The following CA10 variants were observed in gnomAD, a reference collection of about 807,000 sequenced individuals.
CA10 encodes the protein carbonic anhydrase-related protein 10.
In CA10, 14 loss-of-function variants were observed where a neutral mutation model predicts 44.2. The ratio of observed to expected loss-of-function variants is 0.32; its 90% CI spans 0.21 to 0.50. CA10 has a LOEUF of 0.50. Ranked by LOEUF, CA10 falls within the 20% of genes least tolerant of loss-of-function variation. The pLI, the probability that CA10 is intolerant of heterozygous loss-of-function variation, is 0.99. For missense variants in CA10, 350 were observed against 409.7 expected, an observed-to-expected ratio of 0.85 and a Z score of 1.26; for synonymous variants, 159 against 141.6, an observed-to-expected ratio of 1.12 and a Z score of -0.87.
chr17:52,116,274 C>T (rs149983917), intron 1 of CA10, among the ~76,000 whole-genome samples: 2 of 152,054 alleles, frequency 1.3e-5, no homozygotes, highest in African/African-American at 4.8e-5. Flanking sequence ...TTTTACTAGG[C>T]CAGGACCCCA....
At chr17:51,691,745 G>T (rs1232108765) in intron 4 of CA10, among the ~76,000 whole-genome samples, 1 of 152,162 alleles carries the variant, frequency 6.6e-6, no homozygotes, top group East Asian at 1.9e-4. Context: ...CTATTGTGGT[G>T]CATGGTGTGA....
intron 1 of CA10, among the ~76,000 whole-genome samples, chr17:52,084,260 G>C (rs569531997): frequency 2.6e-5 from 4 of 152,148 alleles, no homozygotes; most frequent in Non-Finnish European, 5.9e-5. Context: ...GCCATGGTGG[G>C]ACATAAAGCC....
At chr17:51,707,760 G>A (rs376645280) in intron 4 of CA10, among the ~76,000 whole-genome samples, 2 of 151,026 alleles carry the variant, frequency 1.3e-5, no homozygotes, top group East Asian at 3.9e-4. Flanking sequence ...AAGACCTCAT[G>A]ACCACATTTG....
intron 2 of CA10, among the ~76,000 whole-genome samples, chr17:51,992,792 T>C (rs929538877): frequency 2.0e-5 from 3 of 152,112 alleles, no homozygotes; most frequent in Non-Finnish European, 4.4e-5. Context: ...AACTAAAAGA[T>C]AATGGATAGA....
Position 52,158,401 on chromosome 17 carries a change from C to T in CA10, c.-615G>A, listed in dbSNP as rs754206544. On this transcript the variant is annotated 5_prime_UTR_variant, in exon 1 of 9. It adds an upstream start codon to the 5' untranslated region. Coordinates refer to ENST00000451037, the MANE Select transcript of CA10 (RefSeq NM_020178.5). ...CCGGGGGGCGGGGAAGGAGCAGACA[C>T]AGCAGACACACAGAGAAAGAGAGGC... 1 of 171,650 alleles carries T rather than the reference C, an allele frequency of 5.8e-6. No homozygotes were observed. The highest frequency in any genetic ancestry group is 1.2e-5 in the Non-Finnish European group (1 of 80,842). 10.6% of individuals were successfully genotyped at this position (171,650 alleles called of 1,614,324 possible). A position where few individuals can be genotyped will look rare whatever the true frequency, so the allele number is the denominator to read the frequency against.
rs187883824 is a variant in CA10 at position 51,911,577 on chromosome 17, T to C, written c.279+19413A>G. ...GAGTTGAGACTGCTGGTTGGAATGATACAAAAAGGACAATCGAGAAGTGCA... is the reference window on the plus strand; with the variant it reads ...GAGTTGAGACTGCTGGTTGGAATGACACAAAAAGGACAATCGAGAAGTGCA... On this transcript the variant is annotated intron_variant, in intron 3 of 8. Transcript: ENST00000451037. Among the ~76,000 whole-genome samples, 66 of 152,186 alleles carry C rather than the reference T, an allele frequency of 4.3e-4. 1 individual carries two copies. The East Asian group carries it at 0.01, about 24-fold the overall frequency.
At chr17:51,677,501 C>G (rs1335957040) in intron 4 of CA10, among the ~76,000 whole-genome samples, 1 of 152,102 alleles carries the variant, frequency 6.6e-6, no homozygotes, top group Non-Finnish European at 1.5e-5. Context: ...GCCTGCAGAA[C>G]CATGAACCAA....
intron 2 of CA10, among the ~76,000 whole-genome samples, chr17:52,010,272 T>A (rs1985742654): frequency 6.6e-6 from 1 of 151,732 alleles, no homozygotes; most frequent in Non-Finnish European, 1.5e-5. Flanking sequence ...AGGAAAAGAG[T>A]TATTATAGAA....
chr17:51,755,868 A>C (rs1905059949), intron 3 of CA10, among the ~76,000 whole-genome samples: 1 of 152,198 alleles, frequency 6.6e-6, no homozygotes. Flanking sequence ...CAGGGTCTCA[A>C]GGAGTAGCTT....
intron 7 of CA10, among the ~76,000 whole-genome samples, chr17:51,635,282 G>A (rs986087055): frequency 2.6e-5 from 4 of 152,120 alleles, no homozygotes; most frequent in African/African-American, 9.7e-5. Context: ...GGAGGTCGAG[G>A]CAAATGGATT....
intron 3 of CA10, among the ~76,000 whole-genome samples, chr17:51,832,586 C>T (rs1908322608): frequency 6.6e-6 from 1 of 152,180 alleles, no homozygotes; most frequent in Non-Finnish European, 1.5e-5. Flanking sequence ...TATACCTGGG[C>T]TCTTTGCATT....
chr17:51,993,729 C>T (rs1985126289), intron 2 of CA10, among the ~76,000 whole-genome samples: 1 of 152,044 alleles, frequency 6.6e-6, no homozygotes, highest in African/African-American at 2.4e-5. Flanking sequence ...TATACACCTC[C>T]TCTTCTCATG....
At chr17:51,862,333 G>C (rs1979348479) in intron 3 of CA10, among the ~76,000 whole-genome samples, 1 of 152,126 alleles carries the variant, frequency 6.6e-6, no homozygotes, top group Non-Finnish European at 1.5e-5. Flanking sequence ...TTCTTTAGCA[G>C]CCAGTAACAA....
chr17:51,867,812 C>T (rs999908094), intron 3 of CA10, among the ~76,000 whole-genome samples: 1 of 152,130 alleles, frequency 6.6e-6, no homozygotes, highest in Non-Finnish European at 1.5e-5. Flanking sequence ...AGTTCTGCCT[C>T]ATGAACTCAA....
intron 1 of CA10, among the ~76,000 whole-genome samples, chr17:52,110,058 A>G (rs538300516): frequency 6.6e-6 from 1 of 152,306 alleles, no homozygotes; most frequent in Admixed American, 6.5e-5. Context: ...CACAAAGCAT[A>G]AAATACCCCA....
chr17:52,033,287 A>G (rs1986521883), intron 2 of CA10, among the ~76,000 whole-genome samples: 1 of 152,196 alleles, frequency 6.6e-6, no homozygotes, highest in South Asian at 2.1e-4. Flanking sequence ...GAAAAAATAC[A>G]AAAGACTGAC....
intron 3 of CA10, among the ~76,000 whole-genome samples, chr17:51,805,769 C>T (rs1238671815): frequency 6.6e-6 from 1 of 152,162 alleles, no homozygotes; most frequent in East Asian, 1.9e-4. Flanking sequence ...ACAGTAACTC[C>T]CCACTCCCAC....
chr17:52,028,806 T>C (rs1986377529), intron 2 of CA10, among the ~76,000 whole-genome samples: 2 of 152,230 alleles, frequency 1.3e-5, no homozygotes, highest in African/African-American at 4.8e-5. Context: ...AATTGTTGAC[T>C]CTTAGAGTGC....
At chr17:51,661,422 T>G (rs1914003249) in intron 4 of CA10, among the ~76,000 whole-genome samples, 1 of 152,170 alleles carries the variant, frequency 6.6e-6, no homozygotes, top group Admixed American at 6.5e-5. Context: ...CAAAGCCTGG[T>G]TTCACCCTTG....
Sources: gnomAD v4.1 joint callset for allele counts (sites outside exome capture counted in the v4.1 genomes callset) on GRCh38, gnomAD v4.1.1 for gene constraint, MANE v1.5 for transcripts, NCBI Gene and HGNC (gene_info 2026-07-23, HGNC 2026-07-21) for gene names.